ILRUN: variants seen among roughly 807,000 people sequenced by gnomAD.
ILRUN encodes the protein inflammation and lipid regulator with UBA-like and NBR1-like domains, also known as protein ILRUN.
A neutral mutation model predicts 33.8 loss-of-function variants in ILRUN; 3 were observed. That is an observed-to-expected ratio of 0.09 (90% CI 0.04 to 0.23). The LOEUF is 0.23. Among genes scored for constraint, ILRUN ranks in the 10% least tolerant of loss-of-function variants. The pLI is 1.00. For missense variants in ILRUN, 210 were observed against 375.1 expected, an observed-to-expected ratio of 0.56 and a Z score of 3.64; for synonymous variants, 124 against 138.9, an observed-to-expected ratio of 0.89 and a Z score of 0.75.
chr6:34,607,807 T>C (rs1402590472), intron 3 of ILRUN, among the ~76,000 whole-genome samples: 2 of 152,140 alleles, frequency 1.3e-5, no homozygotes, highest in African/African-American at 4.8e-5. Flanking sequence ...TCTAAACGTA[T>C]CTAAGGCCAG....
At chr6:34,675,090 G>A (rs969423836) in intron 1 of ILRUN, among the ~76,000 whole-genome samples, 5 of 152,076 alleles carry the variant, frequency 3.3e-5, no homozygotes, top group African/African-American at 9.7e-5. Flanking sequence ...AGACCAGCCC[G>A]GCTAACATGG....
intron 3 of ILRUN, among the ~76,000 whole-genome samples, chr6:34,632,203 G>A (rs1172945443): frequency 6.6e-6 from 1 of 152,172 alleles, no homozygotes; most frequent in Non-Finnish European, 1.5e-5. Context: ...CACTTTGGAA[G>A]GCTGAGGCGG....
At chr6:34,635,403 C>T (rs954818045) in intron 3 of ILRUN, among the ~76,000 whole-genome samples, 6 of 151,990 alleles carry the variant, frequency 3.9e-5, no homozygotes, top group African/African-American at 1.5e-4. Flanking sequence ...TGACGCGTGC[C>T]TGTAATCCCA....
chr6:34,616,243 AT>A (rs1470045093), intron 3 of ILRUN, among the ~76,000 whole-genome samples: 3 of 152,230 alleles, frequency 2.0e-5, no homozygotes. Flanking sequence ...CAACAGGAAG[AT>A]TATGGTGGAG....
chr6:34,617,175 G>T, intron 3 of ILRUN: 1 of 493,464 alleles, frequency 2.0e-6, no homozygotes, highest in Non-Finnish European at 4.0e-6. Flanking sequence ...GTGGAATGAA[G>T]AAAAAACTAC....
chr6:34,603,287 C>T (rs1201217468), intron 4 of ILRUN, among the ~76,000 whole-genome samples: 1 of 152,132 alleles, frequency 6.6e-6, no homozygotes, highest in East Asian at 1.9e-4. Context: ...CCGAGGTGGG[C>T]AGACCACTTG....
intron 1 of ILRUN, among the ~76,000 whole-genome samples, chr6:34,663,586 C>T (rs1197803648): frequency 6.6e-6 from 1 of 152,158 alleles, no homozygotes; most frequent in African/African-American, 2.4e-5. Context: ...CCAAGCAATC[C>T]TCCTGCCTTG....
chr6:34,656,781 G>A (rs1405843038), intron 1 of ILRUN, among the ~76,000 whole-genome samples: 1 of 152,200 alleles, frequency 6.6e-6, no homozygotes, highest in African/African-American at 2.4e-5. Flanking sequence ...AGGTACCTGA[G>A]GTCAAGCCTC....
At chr6:34,686,547 C>T (rs1011244684) in intron 1 of ILRUN, 1 of 182,400 alleles carries the variant, frequency 5.5e-6, no homozygotes, top group African/African-American at 2.4e-5. Context: ...AAAAAGACAA[C>T]CCAATTTAAA....
intron 1 of ILRUN, chr6:34,687,004 C>T (rs2127388877): frequency 5.4e-6 from 1 of 184,742 alleles, no homozygotes; most frequent in Non-Finnish European, 1.2e-5. Flanking sequence ...GGCTAGAGTG[C>T]ATGGAACCCA....
chr6:34,683,793 T>C (rs1442734557), intron 1 of ILRUN, among the ~76,000 whole-genome samples: 1 of 152,134 alleles, frequency 6.6e-6, no homozygotes, highest in African/African-American at 2.4e-5. Context: ...CTGGTCACAG[T>C]GGCTCATGCC....
intron 1 of ILRUN, among the ~76,000 whole-genome samples, chr6:34,677,822 G>A (rs1763268890): frequency 6.6e-6 from 1 of 151,742 alleles, no homozygotes; most frequent in Non-Finnish European, 1.5e-5. Context: ...GGTGGCACGT[G>A]CCTTTAATCC....
intron 3 of ILRUN, among the ~76,000 whole-genome samples, chr6:34,634,972 T>C (rs1762327733): frequency 6.6e-6 from 1 of 152,172 alleles, no homozygotes; most frequent in Admixed American, 6.5e-5. Context: ...ATTGAGTACT[T>C]GGGATGTAGC....
At chr6:34,658,673 C>T (rs984434624) in intron 1 of ILRUN, among the ~76,000 whole-genome samples, 1 of 151,584 alleles carries the variant, frequency 6.6e-6, no homozygotes, top group South Asian at 2.1e-4. Flanking sequence ...TGGGCATGGT[C>T]GTGGGCGCCT....
chr6:34,682,039 T>TTTTTTTTTTTTTTTA (rs1371036341), intron 1 of ILRUN, among the ~76,000 whole-genome samples: 39 of 104,958 alleles, frequency 3.7e-4, no homozygotes, highest in Non-Finnish European at 6.0e-4. Flanking sequence ...TTTATTTTTT[T>TTTTTTTTTTTTTTTA]ACTTTTTTTT....
chr6:34,650,483 T>C (rs141434652), intron 2 of ILRUN, among the ~76,000 whole-genome samples: 1 of 151,754 alleles, frequency 6.6e-6, no homozygotes, highest in Non-Finnish European at 1.5e-5. Context: ...CAGGCTGGAG[T>C]GCAGTGGCGC....
intron 1 of ILRUN, among the ~76,000 whole-genome samples, chr6:34,659,839 T>A (rs2127369620): frequency 6.6e-6 from 1 of 152,084 alleles, no homozygotes; most frequent in East Asian, 1.9e-4. Context: ...CAGGTTGGTC[T>A]CGAACTCCCA....
intron 3 of ILRUN, among the ~76,000 whole-genome samples, chr6:34,612,780 C>A (rs1183036038): frequency 6.6e-6 from 1 of 152,114 alleles, no homozygotes; most frequent in Non-Finnish European, 1.5e-5. Context: ...CAGTGGCTCA[C>A]GCCTGCAATC....
chr6:34,597,457 C>T (rs1004070917), intron 4 of ILRUN, among the ~76,000 whole-genome samples: 1 of 152,168 alleles, frequency 6.6e-6, no homozygotes, highest in African/African-American at 2.4e-5. Flanking sequence ...GGTAGCCACC[C>T]TGCTAGGACA....
Sources: allele counts gnomAD v4.1 joint callset (sites outside exome capture counted in the v4.1 genomes callset), GRCh38; gene constraint gnomAD v4.1.1; transcripts MANE v1.5; gene names NCBI Gene and HGNC (gene_info 2026-07-23, HGNC 2026-07-21).